NKAIN2: variants seen among roughly 807,000 people sequenced by gnomAD.
NKAIN2 encodes the protein sodium/potassium transporting ATPase interacting 2.
In NKAIN2, 14 loss-of-function variants were observed where a neutral mutation model predicts 32.6. The observed-to-expected ratio is 0.43, with a 90% CI of 0.28 to 0.67. The LOEUF (loss-of-function observed/expected upper bound fraction) is 0.67. NKAIN2 is among the 30% of genes least tolerant of loss of function. The probability of loss-of-function intolerance (pLI) is 0.17; values close to 1 mark genes in which losing one functional copy is unlikely to be tolerated. For synonymous variants in NKAIN2, 80 were observed against 87.2 expected (o/e 0.92, Z 0.46); for missense variants, 198 against 258.3 (o/e 0.77, Z 1.60).
At chr6:124,544,712 T>A (rs528387773) in intron 3 of NKAIN2, among the ~76,000 whole-genome samples, 33 of 152,252 alleles carry the variant, frequency 2.2e-4, no homozygotes, top group African/African-American at 7.9e-4. Context: ...GTTCTGTCTG[T>A]TCAACATAAT....
rs939964591 is a variant in NKAIN2, at chr6:123,975,405, A to G, written c.54+171151A>G. Among the ~76,000 whole-genome samples, 20 of 152,326 alleles carry G rather than the reference A, an allele frequency of 1.3e-4. 1 individual carries two copies. The highest frequency in any genetic ancestry group is 4.8e-4 in the African/African-American group (20 of 41,578). ...CTGAAGGATTTTCATGCACAAGGAG[A>G]GGATTCTGAAGCACTATAACTTAAT... On this transcript the variant is annotated intron_variant, in intron 1 of 6. Transcript: ENST00000368417.
chr6:124,729,109 A>G (rs890558338), intron 4 of NKAIN2, among the ~76,000 whole-genome samples: 2 of 152,236 alleles, frequency 1.3e-5, no homozygotes, highest in Non-Finnish European at 2.9e-5. Flanking sequence ...ATGTATTCAC[A>G]GCTGAATTCT....
intron 3 of NKAIN2, among the ~76,000 whole-genome samples, chr6:124,538,678 C>A (rs546267202): frequency 2.0e-5 from 3 of 152,160 alleles, no homozygotes; most frequent in East Asian, 3.9e-4. Context: ...CTCTGAAAAA[C>A]CCCTCAAACT....
At chr6:124,801,720 G>A (rs945616534) in intron 5 of NKAIN2, among the ~76,000 whole-genome samples, 47 of 152,188 alleles carry the variant, frequency 3.1e-4, no homozygotes, top group African/African-American at 1.1e-3. Context: ...CAAGGAAAGG[G>A]GATGGAGGTG....
chr6:124,291,293 T>TTAC (rs1452774080), intron 2 of NKAIN2, among the ~76,000 whole-genome samples: 1 of 151,960 alleles, frequency 6.6e-6, no homozygotes, highest in East Asian at 1.9e-4. Flanking sequence ...CATTTTATTA[T>TTAC]TGTTTTGGCA....
intron 3 of NKAIN2, among the ~76,000 whole-genome samples, chr6:124,572,883 C>T (rs1391565716): frequency 2.0e-5 from 3 of 151,876 alleles, no homozygotes; most frequent in Non-Finnish European, 4.4e-5. Flanking sequence ...CTCTGTTGCC[C>T]AAGCTGGAGT....
chr6:124,516,122 T>A (rs1778905180), intron 3 of NKAIN2, among the ~76,000 whole-genome samples: 2 of 152,110 alleles, frequency 1.3e-5, no homozygotes, highest in Admixed American at 6.6e-5. Flanking sequence ...TTAATTCTAG[T>A]GGAGCAAGGA....
intron 1 of NKAIN2, among the ~76,000 whole-genome samples, chr6:124,102,255 T>C (rs1410069212): frequency 6.6e-6 from 1 of 152,190 alleles, no homozygotes; most frequent in Non-Finnish European, 1.5e-5. Flanking sequence ...TAGCATCAGC[T>C]TCCTTGATCT....
chr6:123,970,583 A>G (rs1037099480), intron 1 of NKAIN2, among the ~76,000 whole-genome samples: 1 of 152,050 alleles, frequency 6.6e-6, no homozygotes, highest in Non-Finnish European at 1.5e-5. Context: ...GTTCTTTAGA[A>G]ATATTTATCG....
intron 1 of NKAIN2, among the ~76,000 whole-genome samples, chr6:124,060,253 G>T (rs1034178004): frequency 2.0e-5 from 3 of 152,136 alleles, no homozygotes; most frequent in African/African-American, 7.2e-5. Context: ...CCAGTCACAG[G>T]TGTATTTTAT....
At chr6:124,112,561 T>C (rs1785433125) in intron 1 of NKAIN2, among the ~76,000 whole-genome samples, 1 of 152,120 alleles carries the variant, frequency 6.6e-6, no homozygotes, top group Non-Finnish European at 1.5e-5. Flanking sequence ...GAATTTGTCT[T>C]ATTGATGTTC....
At chr6:124,271,680 G>A (rs2208344) in intron 1 of NKAIN2, among the ~76,000 whole-genome samples, 1 of 152,290 alleles carries the variant, frequency 6.6e-6, no homozygotes, top group East Asian at 1.9e-4. Context: ...CAGTTTAGAG[G>A]TCTTGTAAGA....
rs549858998 is a variant in NKAIN2 at position 124,180,724 on chromosome 6, G to A, written c.55-102281G>A. Among the ~76,000 whole-genome samples the A allele has an allele frequency of 3.9e-5, 6 of 152,282 alleles. No individual in the cohort carries two copies. In the East Asian group the frequency reaches 9.7e-4, roughly 25 times the overall value. ...TATGAGCCTGTAAAATCAAAAGCAA[G>A]TTAGTTACTTCCAAGAGGTGGGCTC... On this transcript the variant is annotated intron_variant, in intron 1 of 6. Coordinates refer to ENST00000368417, the MANE Select transcript of NKAIN2 (RefSeq NM_001040214.3).
At chr6:124,446,167 A>G (rs1006263579) in intron 3 of NKAIN2, among the ~76,000 whole-genome samples, 2 of 152,098 alleles carry the variant, frequency 1.3e-5, no homozygotes, top group African/African-American at 4.8e-5. Flanking sequence ...AGCAAACACT[A>G]CATTATTGCT....
At chr6:124,522,295 A>C (rs1014968225) in intron 3 of NKAIN2, among the ~76,000 whole-genome samples, 1 of 152,170 alleles carries the variant, frequency 6.6e-6, no homozygotes, top group Non-Finnish European at 1.5e-5. Flanking sequence ...TTCAGCATGT[A>C]TTTCATATAA....
At chr6:124,340,682 A>G (rs1798078201) in intron 2 of NKAIN2, among the ~76,000 whole-genome samples, 1 of 152,184 alleles carries the variant, frequency 6.6e-6, no homozygotes, top group African/African-American at 2.4e-5. Context: ...ATGTAAAAGT[A>G]TAGTTTGGTA....
chr6:124,212,554 A>C (rs1189459671), intron 1 of NKAIN2, among the ~76,000 whole-genome samples: 5 of 152,060 alleles, frequency 3.3e-5, no homozygotes, highest in Non-Finnish European at 7.4e-5. Flanking sequence ...GTATCAATGA[A>C]ACAAGGACAG....
chr6:123,922,049 A>G (rs1001998513), intron 1 of NKAIN2, among the ~76,000 whole-genome samples: 9 of 152,118 alleles, frequency 5.9e-5, no homozygotes, highest in African/African-American at 2.2e-4. Flanking sequence ...AGGATTTCTG[A>G]CCTTACATTC....
intron 2 of NKAIN2, among the ~76,000 whole-genome samples, chr6:124,338,393 G>T (rs1797971217): frequency 6.6e-6 from 1 of 151,702 alleles, no homozygotes; most frequent in African/African-American, 2.4e-5. Flanking sequence ...TTGGTTATTA[G>T]AATTTTAATA....
Sources: allele counts gnomAD v4.1 joint callset (sites outside exome capture counted in the v4.1 genomes callset), GRCh38; gene constraint gnomAD v4.1.1; transcripts MANE v1.5; gene names NCBI Gene and HGNC (gene_info 2026-07-23, HGNC 2026-07-21).